The following ABCB5 variants were observed in gnomAD, a reference collection of about 807,000 sequenced individuals.
The protein encoded by ABCB5 is ATP binding cassette subfamily B member 5.
ABCB5 carries 155 observed loss-of-function variants against 144.2 expected under a neutral mutation model. That is an observed-to-expected ratio of 1.08 (90% CI 0.94 to 1.23). The LOEUF is 1.23. Among genes scored for constraint, ABCB5 ranks in the 50% most tolerant of loss-of-function variants. The pLI is 0.00. For synonymous variants in ABCB5, 610 were observed against 528.6 expected, an observed-to-expected ratio of 1.15 and a Z score of -2.11; for missense variants, 1,830 against 1,520.8, an observed-to-expected ratio of 1.20 and a Z score of -3.38.
At chr7:20,714,503 T>C (rs1781607339) in intron 20 of ABCB5, among the ~76,000 whole-genome samples, 1 of 152,176 alleles carries the variant, frequency 6.6e-6, no homozygotes, top group Non-Finnish European at 1.5e-5. Context: ...CTTGTAGTAC[T>C]CCTCGAGGCC....
At chr7:20,654,444 C>A (rs961748727) in intron 13 of ABCB5, among the ~76,000 whole-genome samples, 2 of 143,210 alleles carry the variant, frequency 1.4e-5, no homozygotes, top group Non-Finnish European at 3.0e-5. Flanking sequence ...CTTGATAGAA[C>A]AAGCAGGTGG....
At chr7:20,714,631 C>T (rs116925097) in intron 20 of ABCB5, among the ~76,000 whole-genome samples, 5,294 of 152,190 alleles carry the variant, frequency 0.035, 154 homozygotes, top group Non-Finnish European at 0.058. Flanking sequence ...GTCGCACTGA[C>T]TGAACATTTC....
intron 14 of ABCB5, chr7:20,659,188 G>A (rs1249429301): frequency 1.2e-6 from 2 of 1,610,740 alleles, no homozygotes; most frequent in Non-Finnish European, 1.7e-6. Flanking sequence ...CTGCCTATGA[G>A]CTACTGCACA....
At chr7:20,621,526 G>T (rs1783804603) in intron 1 of ABCB5, among the ~76,000 whole-genome samples, 1 of 151,954 alleles carries the variant, frequency 6.6e-6, no homozygotes, top group African/African-American at 2.4e-5. Flanking sequence ...TAAAACATGG[G>T]GTTCCTCAGG....
At chr7:20,752,840 G>A (rs1019234641) in intron 26 of ABCB5, among the ~76,000 whole-genome samples, 13 of 151,898 alleles carry the variant, frequency 8.6e-5, no homozygotes, top group African/African-American at 2.9e-4. Context: ...AGCGAGACAC[G>A]GTCTCAAAAA....
intron 5 of ABCB5, among the ~76,000 whole-genome samples, chr7:20,638,369 G>A (rs1002767923): frequency 2.6e-5 from 4 of 150,950 alleles, no homozygotes; most frequent in African/African-American, 9.7e-5. Context: ...CTTTGTTGAT[G>A]TATAATTTAT....
intron 2 of ABCB5, among the ~76,000 whole-genome samples, chr7:20,624,327 A>G (rs1783862638): frequency 6.6e-6 from 1 of 152,246 alleles, no homozygotes; most frequent in African/African-American, 2.4e-5. Context: ...ATCACTAGCT[A>G]CATAAACTTG....
chr7:20,618,764 CTTTTT>C (rs59970398), intron 1 of ABCB5, among the ~76,000 whole-genome samples: 1 of 51,542 alleles, frequency 1.9e-5, no homozygotes, highest in African/African-American at 7.6e-5. Flanking sequence ...GCTGCATTTT[CTTTTT>C]TTTTTTTTTT....
At chr7:20,730,581 T>G (rs1282181081) in intron 23 of ABCB5, among the ~76,000 whole-genome samples, 1 of 152,210 alleles carries the variant, frequency 6.6e-6, no homozygotes, top group African/African-American at 2.4e-5. Flanking sequence ...TCTAAAATAG[T>G]GTGCACTATT....
chr7:20,733,425 C>G (rs1782284848), intron 23 of ABCB5, among the ~76,000 whole-genome samples: 1 of 152,010 alleles, frequency 6.6e-6, no homozygotes, highest in Non-Finnish European at 1.5e-5. Flanking sequence ...TACCATACTT[C>G]CTGAATTTCT....
chr7:20,725,535 C>T (rs944025387), intron 21 of ABCB5, among the ~76,000 whole-genome samples: 3 of 152,146 alleles, frequency 2.0e-5, no homozygotes, highest in African/African-American at 7.2e-5. Context: ...GCCAAGATCG[C>T]ACCACTGCAC....
intron 20 of ABCB5, among the ~76,000 whole-genome samples, chr7:20,722,805 G>A (rs956409425): frequency 6.6e-5 from 10 of 152,008 alleles, no homozygotes; most frequent in Admixed American, 6.6e-4. Context: ...CTGGGTGACA[G>A]AGTGGGACTC....
At chr7:20,649,429 T>G (rs1784512582) in intron 11 of ABCB5, among the ~76,000 whole-genome samples, 1 of 152,174 alleles carries the variant, frequency 6.6e-6, no homozygotes. Context: ...AGGGTAATTA[T>G]TGTGAGGCTT....
chr7:20,681,136 G>C (rs12666434), intron 14 of ABCB5, among the ~76,000 whole-genome samples: 130,086 of 137,068 alleles, frequency 0.95, 61,763 homozygotes, highest in East Asian at 1. Flanking sequence ...TTTTCTTTCT[G>C]TCTTCTTTTT....
intron 24 of ABCB5, among the ~76,000 whole-genome samples, chr7:20,742,251 G>A (rs1221693520): frequency 6.6e-6 from 1 of 152,146 alleles, no homozygotes; most frequent in African/African-American, 2.4e-5. Flanking sequence ...GCGCACGCTG[G>A]TGGTCCCAGC....
At chr7:20,691,401 A>G (rs967123013) in intron 16 of ABCB5, among the ~76,000 whole-genome samples, 1 of 151,366 alleles carries the variant, frequency 6.6e-6, no homozygotes, top group Non-Finnish European at 1.5e-5. Context: ...AAGCCCAGAG[A>G]TCTGCAGAGG....
intron 22 of ABCB5, among the ~76,000 whole-genome samples, 200 bp from the exon 23 acceptor site, chr7:20,728,115 G>C (rs1020643503): frequency 7.9e-5 from 12 of 151,456 alleles, no homozygotes; most frequent in African/African-American, 2.9e-4. Context: ...ATAGGGAAAA[G>C]AATTATAACA....
intron 14 of ABCB5, among the ~76,000 whole-genome samples, chr7:20,661,540 CT>C (rs71555814): frequency 6.6e-4 from 93 of 139,874 alleles, no homozygotes; most frequent in Non-Finnish European, 7.8e-4. Context: ...TTTTCTTTTT[CT>C]TTTTTTTTTT....
At chr7:20,712,939 C>G (rs1173020379) in intron 20 of ABCB5, among the ~76,000 whole-genome samples, 1 of 149,470 alleles carries the variant, frequency 6.7e-6, no homozygotes, top group East Asian at 2.0e-4. Flanking sequence ...TGGTAATTTT[C>G]AAGTTTACAA....
Sources: allele counts gnomAD v4.1 joint callset (sites outside exome capture counted in the v4.1 genomes callset), GRCh38; gene constraint gnomAD v4.1.1; transcripts MANE v1.5; gene names NCBI Gene and HGNC (gene_info 2026-07-23, HGNC 2026-07-21).